Variants in AKT3 observed in about 807,000 individuals in gnomAD.
AKT3 encodes the protein AKT serine/threonine kinase 3, also known as RAC-gamma serine/threonine-protein kinase.
Under a neutral mutation model 65.3 loss-of-function variants are expected in AKT3, and 15 were observed. That is an observed-to-expected ratio of 0.23 (90% CI 0.15 to 0.35). The LOEUF (loss-of-function observed/expected upper bound fraction) is 0.35, where lower values mean the gene tolerates loss of function less well. Ranked by LOEUF, AKT3 falls within the 10% of genes least tolerant of loss-of-function variation. The pLI is 1.00. For missense variants in AKT3, 243 were observed against 576.5 expected, an observed-to-expected ratio of 0.42 and a Z score of 5.92; for synonymous variants, 206 against 183.8, an observed-to-expected ratio of 1.12 and a Z score of -0.98.
In AKT3 at chr1:243,584,227, T is replaced by C. The variant is rs530442684; in HGVS notation, c.697-11179A>G. On this transcript the variant is annotated intron_variant, in intron 8 of 13. Coordinates refer to ENST00000673466, the MANE Select transcript of AKT3 (RefSeq NM_005465.7). ...AGAAAATCTAGAGGAAATGGATAAA[T>C]TCCTGGAAACACACAATTTACCAAG... Among the ~76,000 whole-genome samples, 24 of 152,264 alleles carry C rather than the reference T, an allele frequency of 1.6e-4. No homozygotes were observed. The South Asian group carries it at 4.6e-3, about 29-fold the overall frequency.
In AKT3 at chr1:243,489,119, G is replaced by T. The variant is rs978082572; in HGVS notation, c.*7-669C>A. Reference sequence around the variant, plus strand: ...TGGAGAGGCAGAGCCTGTCGGAAGAGGTGGACCGGCTGCGGACCCAGGTAC... The same window carrying T: ...TGGAGAGGCAGAGCCTGTCGGAAGATGTGGACCGGCTGCGGACCCAGGTAC... On this transcript the variant is annotated intron_variant, in intron 13 of 13. Coordinates refer to the AKT3 transcript ENST00000336199. 6 of 1,612,846 alleles carry T rather than the reference G, an allele frequency of 3.7e-6. No individual in the cohort carries two copies. The highest frequency in any genetic ancestry group is 3.3e-5 in the Admixed American group (2 of 60,004).
chr1:243,845,500 G>A (rs530031611), intron 1 of AKT3, among the ~76,000 whole-genome samples: 16 of 41,820 alleles, frequency 3.8e-4, no homozygotes, highest in Non-Finnish European at 6.5e-4. Context: ...CTACTCAGGA[G>A]GCTGAGGTGG....
intron 4 of AKT3, among the ~76,000 whole-genome samples, chr1:243,658,480 C>A (rs763651879): frequency 6.6e-6 from 1 of 152,018 alleles, no homozygotes; most frequent in South Asian, 2.1e-4. Context: ...TAAGTGTCAG[C>A]AAGGATGTGG....
At chr1:243,850,350 C>T (rs1438064849), upstream of AKT3, among the ~76,000 whole-genome samples, 3 of 146,136 alleles carry the variant, frequency 2.1e-5, no homozygotes, top group Non-Finnish European at 4.5e-5. Context: ...AGGGCGGCGG[C>T]GGGGAGAGGA....
intron 4 of AKT3, among the ~76,000 whole-genome samples, chr1:243,649,313 A>ATG (rs55765060): frequency 0.035 from 5,138 of 145,736 alleles, 88 homozygotes; most frequent in South Asian, 0.05. Context: ...TTATGTGTAT[A>ATG]TGTGTGTGTG....
At chr1:243,628,587 G>A (rs887249239) in intron 6 of AKT3, among the ~76,000 whole-genome samples, 2 of 152,148 alleles carry the variant, frequency 1.3e-5, no homozygotes, top group Non-Finnish European at 2.9e-5. Context: ...CTGCAGCCAT[G>A]AGTCATCACG....
intron 7 of AKT3, 119 bp from the exon 8 acceptor site, chr1:243,613,858 G>A: frequency 1.7e-6 from 1 of 577,196 alleles, no homozygotes; most frequent in Non-Finnish European, 2.8e-6. Flanking sequence ...AATTGTTATT[G>A]TTTAAGAGTT....
rs1553433261 is a variant in AKT3 at position 243,686,630 on chromosome 1, CATATATATAT to C, written c.172+8951_172+8960del. 2.0e-3 allele frequency among the ~76,000 whole-genome samples: 38 copies of C among 18,860 alleles called. 1 individual carries two copies. Among genetic ancestry groups the C allele is most frequent in the Non-Finnish European group, 3.5e-3 (34 of 9,812 alleles). The allele number at this position is 18,860 out of a possible 152,430, so 12.4% of individuals were successfully genotyped here. ...CATTTTACAACATACAAATTGTTTTCATATATATATATATATATATATTTTTTTTTTTTTT... is the reference window on the plus strand; with the variant it reads ...CATTTTACAACATACAAATTGTTTTCATATATATATATTTTTTTTTTTTTT... On this transcript the variant is annotated intron_variant, in intron 3 of 13. Transcript: ENST00000673466.
intron 2 of AKT3, among the ~76,000 whole-genome samples, chr1:243,722,988 G>A (rs924826841): frequency 1.3e-5 from 2 of 152,082 alleles, no homozygotes; most frequent in Admixed American, 6.5e-5. Context: ...TAATACATTA[G>A]TTTACAAGTA....
In AKT3 at chr1:243,500,579, C is replaced by T. The variant is rs896403435; in HGVS notation, c.*4670G>A. 15 of 228,880 alleles carry T rather than the reference C, an allele frequency of 6.6e-5. No individual in the cohort carries two copies. Among genetic ancestry groups the T allele is most frequent in the Non-Finnish European group, 3.5e-5 (4 of 115,480 alleles). The allele number at this position is 228,880 out of a possible 1,614,324, so 14.2% of individuals were successfully genotyped here. A position where few individuals can be genotyped will look rare whatever the true frequency, so the allele number is the denominator to read the frequency against. ...AATGCTTTAAAGTAATAAAAACGGA[C>T]ACTGGACATACCGTGTTGTATCTGA... is the stretch of plus-strand genomic sequence containing the variant. On this transcript the variant is annotated 3_prime_UTR_variant, in exon 14 of 14. Coordinates refer to ENST00000673466, the MANE Select transcript of AKT3 (RefSeq NM_005465.7).
intron 2 of AKT3, among the ~76,000 whole-genome samples, chr1:243,703,797 G>T (rs1685627861): frequency 6.6e-6 from 1 of 150,588 alleles, no homozygotes; most frequent in Non-Finnish European, 1.5e-5. Flanking sequence ...AAAATATCCT[G>T]AAGAATTTTG....
intron 2 of AKT3, among the ~76,000 whole-genome samples, chr1:243,697,205 A>G (rs1685113102): frequency 6.6e-6 from 1 of 152,010 alleles, no homozygotes. Flanking sequence ...TTTATAAAAA[A>G]TAACTATTTT....
chr1:243,708,863 C>T (rs1685971878), intron 2 of AKT3, among the ~76,000 whole-genome samples: 1 of 151,916 alleles, frequency 6.6e-6, no homozygotes, highest in Non-Finnish European at 1.5e-5. Flanking sequence ...CCAATACACT[C>T]GTTTGTTACA....
intron 2 of AKT3, among the ~76,000 whole-genome samples, chr1:243,755,925 G>C (rs940380703): frequency 2.6e-5 from 4 of 152,218 alleles, no homozygotes; most frequent in African/African-American, 7.2e-5. Flanking sequence ...GTACTGTAGG[G>C]GGAAGCTAGG....
At chr1:243,849,188 G>A (rs1040885280) in intron 1 of AKT3, among the ~76,000 whole-genome samples, 1 of 152,218 alleles carries the variant, frequency 6.6e-6, no homozygotes, top group Non-Finnish European at 1.5e-5. Context: ...ATGCGCCGGA[G>A]GAGGTGGACA....
intron 5 of AKT3, among the ~76,000 whole-genome samples, chr1:243,642,332 C>T (rs541692018): frequency 4.9e-4 from 74 of 152,252 alleles, no homozygotes; most frequent in Admixed American, 1.6e-3. Flanking sequence ...TGTTTTGAGA[C>T]GGAGTCTCGC....
intron 2 of AKT3, among the ~76,000 whole-genome samples, chr1:243,829,261 C>T (rs1019937808): frequency 3.3e-5 from 5 of 152,158 alleles, no homozygotes; most frequent in African/African-American, 2.4e-5. Context: ...TATATATTTA[C>T]TGCTTGGCTC....
At position 243,502,364 on chromosome 1, in the gene AKT3, T is replaced by A. The variant is rs1469800192; in HGVS notation, c.*2885A>T. 4.3e-6 allele frequency: 1 copy of A among 232,952 alleles called. No individual in the cohort carries two copies. The highest frequency in any genetic ancestry group is 2.2e-5 in the African/African-American group (1 of 45,330). 14.4% of individuals were successfully genotyped at this position (232,952 alleles called of 1,614,324 possible). On this transcript the variant is annotated 3_prime_UTR_variant, in exon 14 of 14. Transcript: ENST00000673466. The stretch of plus-strand genomic sequence containing the variant: ...GAAATGGAAAACAATACTTGAATAA[T>A]GCTATGTAATTAGTGTAGAAAGCAA...
At chr1:243,593,104 AAAG>A (rs1212383322) in intron 8 of AKT3, among the ~76,000 whole-genome samples, 2 of 152,208 alleles carry the variant, frequency 1.3e-5, no homozygotes, top group South Asian at 2.1e-4. Context: ...CCACCCCTTT[AAAG>A]AAGAAATAAT....
Sources: allele counts gnomAD v4.1 joint callset (sites outside exome capture counted in the v4.1 genomes callset), GRCh38; gene constraint gnomAD v4.1.1; transcripts MANE v1.5; gene names NCBI Gene and HGNC (gene_info 2026-07-23, HGNC 2026-07-21).